Variants in ATP5MJ observed in about 807,000 individuals in gnomAD.
The protein encoded by ATP5MJ is ATP synthase membrane subunit j.
ATP5MJ carries 4 observed loss-of-function variants against 8.3 expected under a neutral mutation model. That is an observed-to-expected ratio of 0.48 (90% CI 0.24 to 1.11). The LOEUF (loss-of-function observed/expected upper bound fraction) is 1.11. ATP5MJ is among the 50% of genes least tolerant of loss of function. The pLI, the probability that ATP5MJ is intolerant of heterozygous loss-of-function variation, is 0.18. For missense variants in ATP5MJ, 66 were observed against 71.8 expected, an observed-to-expected ratio of 0.92 and a Z score of 0.29; for synonymous variants, 23 against 21.3, an observed-to-expected ratio of 1.08 and a Z score of -0.23.
intron 1 of ATP5MJ, 129 bp downstream of exon 1, chr14:103,921,341 G>A (rs375029439): frequency 3.6e-5 from 10 of 280,310 alleles, no homozygotes; most frequent in African/African-American, 1.7e-4. Context: ...AGGGAAAGCC[G>A]GGCAGAAAAG....
intron 2 of ATP5MJ, chr14:103,914,858 G>GAAAAAAA (rs1314714313): frequency 6.4e-5 from 21 of 329,512 alleles, no homozygotes; most frequent in South Asian, 2.3e-4. Flanking sequence ...AAAAAAAAAA[G>GAAAAAAA]AAAAGAAAAG....
intron 1 of ATP5MJ, among the ~76,000 whole-genome samples, chr14:103,916,242 A>T (rs1319242054): frequency 6.6e-6 from 1 of 152,238 alleles, no homozygotes; most frequent in Non-Finnish European, 1.5e-5. Flanking sequence ...TTAAATTCCA[A>T]ACTTACAGTT....
Position 103,912,435 on chromosome 14 carries a change from T to C in ATP5MJ, c.*231A>G. 1 of 526,134 alleles carries C rather than the reference T, an allele frequency of 1.9e-6. No homozygotes were observed. The highest frequency in any genetic ancestry group is 3.4e-6 in the Non-Finnish European group (1 of 293,612). The allele number at this position is 526,134 out of a possible 1,614,324, so 32.6% of individuals were successfully genotyped here. On this transcript the variant is annotated 3_prime_UTR_variant, in exon 4 of 4. Transcript: ENST00000286953. Reference sequence around the variant, plus strand: ...TGAGATTCTGATTGCATGCGCTGCATGACAAATTATCTACTCAGAGTATGC... The same window carrying C: ...TGAGATTCTGATTGCATGCGCTGCACGACAAATTATCTACTCAGAGTATGC...
Position 103,912,573 on chromosome 14 carries a change from A to T in ATP5MJ, c.*93T>A. 1 of 1,264,268 alleles carries T rather than the reference A, an allele frequency of 7.9e-7. No homozygotes were observed. The highest frequency in any genetic ancestry group is 1.2e-6 in the Non-Finnish European group (1 of 866,880). 78.3% of individuals were successfully genotyped at this position (1,264,268 alleles called of 1,614,324 possible). A position where few individuals can be genotyped will look rare whatever the true frequency, so the allele number is the denominator to read the frequency against. ...AAGTAAACGGTACTTATACAAGTGT[A>T]CAGTGACGTTCCACGCTCCCCATCT... On this transcript the variant is annotated 3_prime_UTR_variant, in exon 4 of 4. Coordinates refer to ENST00000286953, the MANE Select transcript of ATP5MJ (RefSeq NM_004894.3).
intron 2 of ATP5MJ, 92 bp from the exon 3 acceptor site, chr14:103,914,076 CT>C: frequency 8.3e-7 from 1 of 1,209,022 alleles, no homozygotes; most frequent in Non-Finnish European, 1.2e-6. Flanking sequence ...GGCATTGTAG[CT>C]TAGGTAAAGC....
chr14:103,916,669 T>C (rs191663955), intron 1 of ATP5MJ, among the ~76,000 whole-genome samples: 7 of 152,144 alleles, frequency 4.6e-5, no homozygotes, highest in Admixed American at 3.3e-4. Flanking sequence ...CTGCTTGAGC[T>C]TGGGTGGTTG....
At position 103,915,063 on chromosome 14, in the gene ATP5MJ, T is replaced by C. The variant is rs1263761770; in HGVS notation, c.124+3A>G. ...CAGAAAAATCAAACATAAGGAAACG[T>C]ACCAGCAGCCCGGATTTTATAAACG... On this transcript the variant is annotated splice_donor_region_variant and intron_variant, in intron 2 of 3. Coordinates refer to ENST00000286953, the MANE Select transcript of ATP5MJ (RefSeq NM_004894.3). The C allele has an allele frequency of 6.2e-7, 1 of 1,613,734 alleles. No homozygotes were observed. The highest frequency in any genetic ancestry group is 8.5e-7 in the Non-Finnish European group (1 of 1,180,000).
chr14:103,912,929 A>G (rs1209415223), intron 3 of ATP5MJ: 1 of 535,800 alleles, frequency 1.9e-6, no homozygotes, highest in Non-Finnish European at 3.3e-6. Flanking sequence ...AGAGGCAGGG[A>G]AACACCTCCT....
chr14:103,918,072 C>A (rs1453313457), intron 1 of ATP5MJ: 4 of 152,272 alleles, frequency 2.6e-5, no homozygotes, highest in African/African-American at 9.7e-5. Context: ...AATTTCCTGT[C>A]CTCAAGCTAC....
At chr14:103,917,180 A>C (rs2087632290) in intron 1 of ATP5MJ, among the ~76,000 whole-genome samples, 1 of 152,216 alleles carries the variant, frequency 6.6e-6, no homozygotes, top group Admixed American at 6.5e-5. Flanking sequence ...GCCAGATTCA[A>C]ATCCTGGCTG....
intron 1 of ATP5MJ, among the ~76,000 whole-genome samples, chr14:103,916,990 C>T (rs569206470): frequency 7.9e-4 from 120 of 152,240 alleles, no homozygotes; most frequent in Non-Finnish European, 1.5e-3. Context: ...AAACCCGGAT[C>T]GTGTGGTCAT....
In ATP5MJ at chr14:103,912,493, C is replaced by T; in HGVS notation, c.*173G>A. ...GCCGGAGGGGCTGAGGGGGAACACA[C>T]TGAAAGCAGTACCAGGTAGCAGTGC... On this transcript the variant is annotated 3_prime_UTR_variant, in exon 4 of 4. Coordinates refer to ENST00000286953, the MANE Select transcript of ATP5MJ (RefSeq NM_004894.3). The T allele has an allele frequency of 1.4e-6, 1 of 704,536 alleles. No homozygotes were observed. The allele number at this position is 704,536 out of a possible 1,614,324, so 43.6% of individuals were successfully genotyped here. A position where few individuals can be genotyped will look rare whatever the true frequency, so the allele number is the denominator to read the frequency against.
At chr14:103,920,814 G>T in intron 1 of ATP5MJ, 2 of 786,896 alleles carry the variant, frequency 2.5e-6, no homozygotes, top group Admixed American at 2.0e-5. Flanking sequence ...TTTCCTAGCT[G>T]TGTGTGTCAG....
Sources: allele counts gnomAD v4.1 joint callset (sites outside exome capture counted in the v4.1 genomes callset), GRCh38; gene constraint gnomAD v4.1.1; transcripts MANE v1.5; gene names NCBI Gene and HGNC (gene_info 2026-07-23, HGNC 2026-07-21).